PPP1R3G: variants seen among roughly 807,000 people sequenced by gnomAD.
PPP1R3G encodes the protein protein phosphatase 1, regulatory (inhibitor) subunit 3G.
Under a neutral mutation model 2.0 loss-of-function variants are expected in PPP1R3G, and 3 were observed. The ratio of observed to expected loss-of-function variants is 1.47; its 90% CI spans 0.67 to 3.81. PPP1R3G has a LOEUF of 3.81. Ranked by LOEUF, PPP1R3G falls within the 30% of genes most tolerant of loss-of-function variation. The probability of loss-of-function intolerance (pLI) is 0.02; values close to 1 mark genes in which losing one functional copy is unlikely to be tolerated. For missense variants in PPP1R3G, 595 were observed against 517.0 expected (o/e 1.15, Z -1.46); for synonymous variants, 267 against 250.9 (o/e 1.06, Z -0.61).
In PPP1R3G at chr6:5,087,408, T is replaced by C. The variant is rs539794493; in HGVS notation, c.*846T>C. 1 of 152,378 alleles carries C rather than the reference T, an allele frequency of 6.6e-6. No individual in the cohort carries two copies. The highest frequency in any genetic ancestry group is 1.9e-4 in the East Asian group (1 of 5,188). The allele number at this position is 152,378 out of a possible 1,614,324, so 9.4% of individuals were successfully genotyped here. A position where few individuals can be genotyped will look rare whatever the true frequency, so the allele number is the denominator to read the frequency against. ...ACTTCCCATGTGCTTTAAAATGTTCTGTAGAAAGTGTTCCGTCCCCCTCCG... is the reference window on the plus strand; with the variant it reads ...ACTTCCCATGTGCTTTAAAATGTTCCGTAGAAAGTGTTCCGTCCCCCTCCG... On this transcript the variant is annotated 3_prime_UTR_variant, in exon 1 of 1. Transcript: ENST00000405617.
Position 5,086,108 on chromosome 6 carries a change from CCGCGGCCGAGCGT to C in PPP1R3G, c.625_637del (p.Ala209CysfsTer21), listed in dbSNP as rs1329098324. The C allele has an allele frequency of 1.8e-5, 26 of 1,463,148 alleles. No individual in the cohort carries two copies. In the Admixed American group the frequency reaches 5.5e-4, roughly 31 times the overall value. The allele number at this position is 1,463,148 out of a possible 1,614,324, so 90.6% of individuals were successfully genotyped here. ...CTCTTCCAGCTCCCGGGGCCGAGCG[CCGCGGCCGAGCGT>C]CTGCAGCGGCAGCGCGTGTGCCTGG... On this transcript the variant is annotated frameshift_variant, in exon 1 of 1. Coordinates refer to ENST00000405617, the MANE Select transcript of PPP1R3G (RefSeq NM_001145115.3). LOFTEE classifies it low-confidence loss of function (END_TRUNC).
chr6:5,089,033 A>G lies in PPP1R3G; in HGVS notation c.*2471A>G, dbSNP rs1762121560. The G allele has an allele frequency of 6.6e-6, 1 of 152,244 alleles. No homozygotes were observed. The highest frequency in any genetic ancestry group is 2.4e-5 in the African/African-American group (1 of 41,472). The allele number at this position is 152,244 out of a possible 1,614,324, so 9.4% of individuals were successfully genotyped here. ...TTGGAGATATCCCTTTGACTATGGC[A>G]GTGTTTCCCAAAGTAAACTGATCAT... On this transcript the variant is annotated 3_prime_UTR_variant, in exon 1 of 1. Transcript: ENST00000405617.
rs1157992294 is a variant in PPP1R3G at position 5,086,415 on chromosome 6, G to A, written c.930G>A (p.Leu310=). Residue 310 remains leucine, a synonymous_variant, in exon 1 of 1, where the codon CTG becomes CTA. Coordinates refer to ENST00000405617, the MANE Select transcript of PPP1R3G (RefSeq NM_001145115.3). ...TCTCGCTGTGCCTGCCCCCGGGCCT[G>A]CAGCCTGAGGACGAAGAGGACGCCG... ...FHFSLCLPPG[L]QPEDEEDADE... 1 of 1,536,308 alleles carries A rather than the reference G, an allele frequency of 6.5e-7. No homozygotes were observed. The highest frequency in any genetic ancestry group is 2.4e-5 in the East Asian group (1 of 40,918).
chr6:5,086,556 G>A lies in PPP1R3G; in HGVS notation c.1071G>A (p.Ala357=), dbSNP rs1488031576. 2 of 1,520,516 alleles carry A rather than the reference G, an allele frequency of 1.3e-6. No individual in the cohort carries two copies. The highest frequency in any genetic ancestry group is 1.8e-6 in the Non-Finnish European group (2 of 1,135,980). The allele number at this position is 1,520,516 out of a possible 1,614,324, so 94.2% of individuals were successfully genotyped here. Residue 357 remains alanine, a synonymous_variant, in exon 1 of 1, where the codon GCG becomes GCA. Coordinates refer to ENST00000405617, the MANE Select transcript of PPP1R3G (RefSeq NM_001145115.3). ...YTLRYARPAD[A]L is the part of the protein sequence containing the mutation. ...TGCGCTACGCGCGCCCTGCGGACGCGCTCTGAGCCTGGAGAGTTTCGAAGA... is the reference window on the plus strand; with the variant it reads ...TGCGCTACGCGCGCCCTGCGGACGCACTCTGAGCCTGGAGAGTTTCGAAGA...
chr6:5,085,370 C>T lies in PPP1R3G; in HGVS notation c.-116C>T, dbSNP rs545889284. ...GTCTTGTCGAGCCTGGGGCGACTCG[C>T]CTCGGGGAGGGCGAGCCTGAACTGC... On this transcript the variant is annotated 5_prime_UTR_variant, in exon 1 of 1. Coordinates refer to ENST00000405617, the MANE Select transcript of PPP1R3G (RefSeq NM_001145115.3). 73 of 741,298 alleles carry T rather than the reference C, an allele frequency of 9.8e-5. No homozygotes were observed. In the East Asian group the frequency reaches 1.9e-3, roughly 20 times the overall value. 45.9% of individuals were successfully genotyped at this position (741,298 alleles called of 1,614,324 possible).
At position 5,085,368 on chromosome 6, in the gene PPP1R3G, C is replaced by T. The variant is rs1761955025; in HGVS notation, c.-118C>T. 1.4e-6 allele frequency: 1 copy of T among 724,602 alleles called. No individual in the cohort carries two copies. Among genetic ancestry groups the T allele is most frequent in the East Asian group, 2.9e-5 (1 of 34,674 alleles). The allele number at this position is 724,602 out of a possible 1,614,324, so 44.9% of individuals were successfully genotyped here. A position where few individuals can be genotyped will look rare whatever the true frequency, so the allele number is the denominator to read the frequency against. On this transcript the variant is annotated 5_prime_UTR_variant, in exon 1 of 1. Coordinates refer to ENST00000405617, the MANE Select transcript of PPP1R3G (RefSeq NM_001145115.3). Reference sequence around the variant, plus strand: ...TTGTCTTGTCGAGCCTGGGGCGACTCGCCTCGGGGAGGGCGAGCCTGAACT... The same window carrying T: ...TTGTCTTGTCGAGCCTGGGGCGACTTGCCTCGGGGAGGGCGAGCCTGAACT...
Position 5,085,407 on chromosome 6 carries a change from C to T in PPP1R3G, c.-79C>T, listed in dbSNP as rs2127579753. The T allele has an allele frequency of 3.7e-6, 4 of 1,080,082 alleles. No homozygotes were observed. The highest frequency in any genetic ancestry group is 2.7e-5 in the East Asian group (1 of 37,692). The allele number at this position is 1,080,082 out of a possible 1,614,324, so 66.9% of individuals were successfully genotyped here. On this transcript the variant is annotated 5_prime_UTR_variant, in exon 1 of 1. Transcript: ENST00000405617. ...CGAGCCTGAACTGCAGCCCTGCGCTCCTTCCACGGCCCGAGGAGTTAGTTA... is the reference window on the plus strand; with the variant it reads ...CGAGCCTGAACTGCAGCCCTGCGCTTCTTCCACGGCCCGAGGAGTTAGTTA...
Position 5,086,564 on chromosome 6 carries a change from C to T in PPP1R3G, c.*2C>T. Reference sequence around the variant, plus strand: ...GCGCGCCCTGCGGACGCGCTCTGAGCCTGGAGAGTTTCGAAGAGCCGTGGG... The same window carrying T: ...GCGCGCCCTGCGGACGCGCTCTGAGTCTGGAGAGTTTCGAAGAGCCGTGGG... On this transcript the variant is annotated 3_prime_UTR_variant, in exon 1 of 1. Transcript: ENST00000405617. 6.6e-7 allele frequency: 1 copy of T among 1,506,724 alleles called. No homozygotes were observed. The highest frequency in any genetic ancestry group is 8.9e-7 in the Non-Finnish European group (1 of 1,128,966). The allele number at this position is 1,506,724 out of a possible 1,614,324, so 93.3% of individuals were successfully genotyped here.
chr6:5,085,799 A>C lies in PPP1R3G; in HGVS notation c.314A>C (p.Gln105Pro). Residue 105 changes from glutamine (Q) to proline (P), a missense_variant, in exon 1 of 1, where the codon CAG becomes CCG. Transcript: ENST00000405617. ...AAKFLQQQQQ[Q>P]AVALGGEGAE... is the part of the protein sequence containing the mutation. ...AAGTTCCTGCAGCAGCAGCAGCAACAGGCGGTGGCACTGGGCGGCGAGGGG... is the reference window on the plus strand; with the variant it reads ...AAGTTCCTGCAGCAGCAGCAGCAACCGGCGGTGGCACTGGGCGGCGAGGGG... The C allele has an allele frequency of 6.5e-7, 1 of 1,528,196 alleles. No individual in the cohort carries two copies. Among genetic ancestry groups the C allele is most frequent in the Non-Finnish European group, 8.8e-7 (1 of 1,139,672 alleles). 94.7% of individuals were successfully genotyped at this position (1,528,196 alleles called of 1,614,324 possible).
At position 5,085,519 on chromosome 6, in the gene PPP1R3G, G is replaced by A; in HGVS notation, c.34G>A (p.Ala12Thr). The A allele has an allele frequency of 6.5e-7, 1 of 1,538,234 alleles. No individual in the cohort carries two copies. Among genetic ancestry groups the A allele is most frequent in the Non-Finnish European group, 8.7e-7 (1 of 1,145,996 alleles). Residue 12 changes from alanine (A) to threonine (T), a missense_variant, in exon 1 of 1, where the codon GCG (alanine) becomes ACG (threonine). Ala to Thr is a moderately conservative substitution (Grantham distance 58, BLOSUM62 0). Transcript: ENST00000405617. Reference sequence around the variant, plus strand: ...CATAGGGGCGCGGCTAAGTTTGGAGGCGCCGGGACCAGCGCCCTTCCGAGA... The same window carrying A: ...CATAGGGGCGCGGCTAAGTTTGGAGACGCCGGGACCAGCGCCCTTCCGAGA... ...EPIGARLSLE[A>T]PGPAPFREAP...
Position 5,086,231 on chromosome 6 carries a change from C to A in PPP1R3G, c.746C>A (p.Thr249Asn). The A allele has an allele frequency of 6.5e-7, 1 of 1,535,514 alleles. No individual in the cohort carries two copies. Residue 249 changes from threonine to asparagine, a missense_variant, in exon 1 of 1, where the codon ACC becomes AAC. Thr to Asn is a moderately conservative substitution (Grantham distance 65). Coordinates refer to ENST00000405617, the MANE Select transcript of PPP1R3G (RefSeq NM_001145115.3). ...VLSCPGPRAV[T>N]VRYTFTEWRS... Reference sequence around the variant, plus strand: ...AGCTGCCCTGGGCCCAGGGCCGTGACCGTGCGCTACACCTTTACCGAGTGG... The same window carrying A: ...AGCTGCCCTGGGCCCAGGGCCGTGAACGTGCGCTACACCTTTACCGAGTGG...
Position 5,085,737 on chromosome 6 carries a change from C to T in PPP1R3G, c.252C>T (p.Ser84=), listed in dbSNP as rs1761978042. The T allele has an allele frequency of 6.5e-7, 1 of 1,542,350 alleles. No homozygotes were observed. Among genetic ancestry groups the T allele is most frequent in the Non-Finnish European group, 8.7e-7 (1 of 1,144,634 alleles). Reference sequence around the variant, plus strand: ...GCCGCCGCCGCTGCCGCGCGCGCTCCTTTTCCTTGCCCGCCGACCCCATCT... The same window carrying T: ...GCCGCCGCCGCTGCCGCGCGCGCTCTTTTTCCTTGCCCGCCGACCCCATCT... The part of the protein sequence containing the change: ...LECRRRCRAR[S]FSLPADPILQ... The change falls in exon 1 of 1, where the codon TCC becomes TCT. Residue 84 remains serine, a synonymous_variant. Transcript: ENST00000405617.
rs1041511049 is a variant in PPP1R3G, at chr6:5,086,687, A to C, written c.*125A>C. On this transcript the variant is annotated 3_prime_UTR_variant, in exon 1 of 1. Transcript: ENST00000405617. ...CGAGTCTGGCGTGAGGGGCGCGTGG[A>C]GGGAAAGGAGGGAGACTTTGAACCG... is the stretch of plus-strand genomic sequence containing the variant. The C allele has an allele frequency of 2.6e-6, 2 of 756,896 alleles. No individual in the cohort carries two copies. Among genetic ancestry groups the C allele is most frequent in the African/African-American group, 3.5e-5 (2 of 56,442 alleles). The allele number at this position is 756,896 out of a possible 1,614,324, so 46.9% of individuals were successfully genotyped here.
chr6:5,088,182 C>T lies in PPP1R3G; in HGVS notation c.*1620C>T, dbSNP rs1164988032. 12 of 152,418 alleles carry T rather than the reference C, an allele frequency of 7.9e-5. No homozygotes were observed. Among genetic ancestry groups the T allele is most frequent in the Admixed American group, 6.5e-5 (1 of 15,294 alleles). 9.4% of individuals were successfully genotyped at this position (152,418 alleles called of 1,614,324 possible). A position where few individuals can be genotyped will look rare whatever the true frequency, so the allele number is the denominator to read the frequency against. On this transcript the variant is annotated 3_prime_UTR_variant, in exon 1 of 1. Transcript: ENST00000405617. The stretch of plus-strand genomic sequence containing the variant: ...CGATCTTGGCTCATTGCAACCTCCG[C>T]CTCCCAGGTTCAAGCGATTCTCCTG...
At position 5,086,654 on chromosome 6, in the gene PPP1R3G, G is replaced by T. The variant is rs1321344884; in HGVS notation, c.*92G>T. ...AAGGAACTTGCTGGGACGCTTTGCTGAGCGTGGCGAGTCTGGCGTGAGGGG... is the reference window on the plus strand; with the variant it reads ...AAGGAACTTGCTGGGACGCTTTGCTTAGCGTGGCGAGTCTGGCGTGAGGGG... On this transcript the variant is annotated 3_prime_UTR_variant, in exon 1 of 1. Coordinates refer to ENST00000405617, the MANE Select transcript of PPP1R3G (RefSeq NM_001145115.3). The T allele has an allele frequency of 1.5e-5, 17 of 1,098,274 alleles. 1 individual carries two copies. The East Asian group carries it at 4.4e-4, about 29-fold the overall frequency. The allele number at this position is 1,098,274 out of a possible 1,614,324, so 68.0% of individuals were successfully genotyped here.
rs1440002965 is a variant in PPP1R3G, at chr6:5,088,877, A to G, written c.*2315A>G. ...GTTGCCTTCTTTCACCTAAAAAAAT[A>G]GTAACACATCAGTGCAACTGAAACA... On this transcript the variant is annotated 3_prime_UTR_variant, in exon 1 of 1. Coordinates refer to ENST00000405617, the MANE Select transcript of PPP1R3G (RefSeq NM_001145115.3). The G allele has an allele frequency of 6.6e-6, 1 of 152,242 alleles. No homozygotes were observed. Among genetic ancestry groups the G allele is most frequent in the Non-Finnish European group, 1.5e-5 (1 of 68,052 alleles). The allele number at this position is 152,242 out of a possible 1,614,324, so 9.4% of individuals were successfully genotyped here.
At position 5,085,580 on chromosome 6, in the gene PPP1R3G, T is replaced by C; in HGVS notation, c.95T>C (p.Val32Ala). The change falls in exon 1 of 1, where the codon GTC becomes GCC. Residue 32 changes from valine (V) to alanine (A), a missense_variant. Physicochemically the swap from Val to Ala is moderately conservative, Grantham distance 64 (BLOSUM62 0). Transcript: ENST00000405617. ...GCCGAGGAGCTGCCCGCCCCGGTGG[T>C]CCCCTGTGTGCAGGGTGGCGGCGAC... Reference protein sequence around the residue: ...PPAEELPAPVVPCVQGGGDGG... With the variant: ...PPAEELPAPVAPCVQGGGDGG... 1 of 1,544,834 alleles carries C rather than the reference T, an allele frequency of 6.5e-7. No homozygotes were observed. Among genetic ancestry groups the C allele is most frequent in the Non-Finnish European group, 8.7e-7 (1 of 1,146,230 alleles).
In PPP1R3G at chr6:5,086,251, G is replaced by A; in HGVS notation, c.766G>A (p.Glu256Lys). ...RAVTVRYTFTEWRSFLDVPAE... is the reference protein window; with the variant it reads ...RAVTVRYTFTKWRSFLDVPAE... ...CGTGACCGTGCGCTACACCTTTACC[G>A]AGTGGCGCTCCTTCCTGGACGTGCC... The change falls in exon 1 of 1, where the codon GAG becomes AAG. Residue 256 changes from glutamate (E) to lysine (K), a missense_variant. Transcript: ENST00000405617. 2 of 1,535,572 alleles carry A rather than the reference G, an allele frequency of 1.3e-6. No homozygotes were observed. The highest frequency in any genetic ancestry group is 1.7e-6 in the Non-Finnish European group (2 of 1,146,698).
In PPP1R3G at chr6:5,086,840, C is replaced by T. The variant is rs1305401763; in HGVS notation, c.*278C>T. 5 of 492,912 alleles carry T rather than the reference C, an allele frequency of 1.0e-5. No homozygotes were observed. The highest frequency in any genetic ancestry group is 1.8e-5 in the Non-Finnish European group (5 of 282,054). 30.5% of individuals were successfully genotyped at this position (492,912 alleles called of 1,614,324 possible). A position where few individuals can be genotyped will look rare whatever the true frequency, so the allele number is the denominator to read the frequency against. ...GGCCTCTAGAATTCCCAGCCTGCGT[C>T]AGAATAGGAAGAAACTTCCAAGGCC... On this transcript the variant is annotated 3_prime_UTR_variant, in exon 1 of 1. Transcript: ENST00000405617.
Sources: gnomAD v4.1 joint callset for allele counts on GRCh38, gnomAD v4.1.1 for gene constraint, MANE v1.5 for transcripts, NCBI Gene and HGNC (gene_info 2026-07-23, HGNC 2026-07-21) for gene names.